PTPRD: variants seen among roughly 807,000 people sequenced by gnomAD.
PTPRD encodes the protein receptor-type tyrosine-protein phosphatase delta.
In PTPRD, 34 loss-of-function variants were observed where a neutral mutation model predicts 214.5. The ratio of observed to expected loss-of-function variants is 0.16; its 90% CI spans 0.12 to 0.21. The LOEUF (loss-of-function observed/expected upper bound fraction) is 0.21. Ranked by LOEUF, PTPRD falls within the 10% of genes least tolerant of loss-of-function variation. PTPRD has a pLI of 1.00. For missense variants in PTPRD, 2,545 were observed against 2,398.7 expected, an observed-to-expected ratio of 1.06 and a Z score of -1.27; for synonymous variants, 1,128 against 845.7, an observed-to-expected ratio of 1.33 and a Z score of -5.79.
At chr9:8,791,060 G>C (rs962640281) in intron 11 of PTPRD, among the ~76,000 whole-genome samples, 7 of 152,102 alleles carry the variant, frequency 4.6e-5, no homozygotes, top group African/African-American at 1.7e-4. Context: ...GATTACATCA[G>C]GATTTTTAAG....
At chr9:8,335,250 A>AAAATT (rs1845456898) in intron 43 of PTPRD, among the ~76,000 whole-genome samples, 1 of 150,324 alleles carries the variant, frequency 6.7e-6, no homozygotes. Flanking sequence ...AATCCTCAGT[A>AAAATT]CTGGCAAACC....
At chr9:8,763,085 GA>G (rs1447261277) in intron 11 of PTPRD, among the ~76,000 whole-genome samples, 1 of 152,156 alleles carries the variant, frequency 6.6e-6, no homozygotes, top group Non-Finnish European at 1.5e-5. Flanking sequence ...AGTAGCCACT[GA>G]AAAATCAAGC....
rs563391542 is a variant in PTPRD, at chr9:8,362,761, C to A, written c.4661+13175G>T. Among the ~76,000 whole-genome samples, 11 of 152,236 alleles carry A rather than the reference C, an allele frequency of 7.2e-5. 2 individuals are homozygous for A. Among genetic ancestry groups the A allele is most frequent in the Admixed American group, 4.6e-4 (7 of 15,290 alleles). On this transcript the variant is annotated intron_variant, in intron 39 of 45. Transcript: ENST00000381196. Reference sequence around the variant, plus strand: ...TGAGAAGATGCCATTGGCAAATGACCAGACTGTTCTCTACCTTTCTACAGA... The same window carrying A: ...TGAGAAGATGCCATTGGCAAATGACAAGACTGTTCTCTACCTTTCTACAGA...
At chr9:9,798,593 C>A (rs374262986) in intron 5 of PTPRD, among the ~76,000 whole-genome samples, 3 of 152,138 alleles carry the variant, frequency 2.0e-5, no homozygotes, top group African/African-American at 7.2e-5. Context: ...TCTGCTTCTG[C>A]TATTTTTCTC....
At chr9:10,541,840 A>ATATT in intron 2 of PTPRD, among the ~76,000 whole-genome samples, 1 of 152,124 alleles carries the variant, frequency 6.6e-6, no homozygotes, top group Non-Finnish European at 1.5e-5. Context: ...AATATATTTA[A>ATATT]TAACAAATGA....
chr9:10,009,746 C>T (rs972881948), intron 4 of PTPRD, among the ~76,000 whole-genome samples: 1 of 152,032 alleles, frequency 6.6e-6, no homozygotes, highest in East Asian at 1.9e-4. Flanking sequence ...TTTGCAGGGC[C>T]GTTTCAAAAT....
At chr9:8,436,522 C>T (rs2095356591) in intron 35 of PTPRD, 70 bp downstream of exon 35, 1 of 1,234,912 alleles carries the variant, frequency 8.1e-7, no homozygotes. Context: ...AGTTAATTTT[C>T]AAGAATATGG....
At chr9:9,835,505 G>A (rs142746113) in intron 5 of PTPRD, among the ~76,000 whole-genome samples, 47 of 152,212 alleles carry the variant, frequency 3.1e-4, no homozygotes, top group South Asian at 1.2e-3. Context: ...AGAGTATGCG[G>A]AAAGAAAGAA....
At chr9:9,204,679 G>A (rs540456948) in intron 9 of PTPRD, among the ~76,000 whole-genome samples, 1 of 152,098 alleles carries the variant, frequency 6.6e-6, no homozygotes, top group African/African-American at 2.4e-5. Context: ...TAAATTGATG[G>A]TCCTGTTAAA....
Position 9,770,238 on chromosome 9 carries a change from G to A in PTPRD, c.-367-3387C>T, listed in dbSNP as rs750813558. 7.2e-5 allele frequency among the ~76,000 whole-genome samples: 11 copies of A among 152,154 alleles called. No individual in the cohort carries two copies. In the South Asian group the frequency reaches 8.3e-4, roughly 11 times the overall value. ...ACACTCACACCAAAAGTGTAAAAGC[G>A]TTCCTATTTCTCCACATACTTTCCA... On this transcript the variant is annotated intron_variant, in intron 5 of 45. Coordinates refer to ENST00000381196, the MANE Select transcript of PTPRD (RefSeq NM_002839.4).
At chr9:9,266,413 T>C (rs1257235608) in intron 9 of PTPRD, among the ~76,000 whole-genome samples, 1 of 151,248 alleles carries the variant, frequency 6.6e-6, no homozygotes, top group African/African-American at 2.4e-5. Flanking sequence ...AACAAACATA[T>C]ACAGAACACT....
chr9:10,511,967 CGTGTGT>C (rs765411213), intron 2 of PTPRD, among the ~76,000 whole-genome samples: 12 of 110,314 alleles, frequency 1.1e-4, no homozygotes, highest in Admixed American at 2.8e-4. Flanking sequence ...TATATATATA[CGTGTGT>C]GTGTATATAT....
rs527966046 is a variant in PTPRD at position 9,228,824 on chromosome 9, ATAGT to A, written c.-202-45465_-202-45462del. 1.1e-4 allele frequency among the ~76,000 whole-genome samples: 16 copies of A among 152,126 alleles called. No individual in the cohort carries two copies. In the East Asian group the frequency reaches 2.9e-3, roughly 28 times the overall value. On this transcript the variant is annotated intron_variant, in intron 9 of 45. Transcript: ENST00000381196. ...GTCTTGCCTTCGTTTTTTGTTTCTT[ATAGT>A]TACTTACTCCTACATTACAAATTGA...
intron 10 of PTPRD, among the ~76,000 whole-genome samples, chr9:9,157,212 C>G (rs913195966): frequency 6.6e-6 from 1 of 151,862 alleles, no homozygotes; most frequent in Admixed American, 6.6e-5. Flanking sequence ...TAATGTTACA[C>G]CTTAAATAAC....
chr9:9,375,927 A>C (rs2060663136), intron 9 of PTPRD, among the ~76,000 whole-genome samples: 1 of 152,182 alleles, frequency 6.6e-6, no homozygotes, highest in Non-Finnish European at 1.5e-5. Context: ...AAAATCGGTA[A>C]AATGGTAACT....
At chr9:9,974,293 T>A (rs913953644) in intron 4 of PTPRD, among the ~76,000 whole-genome samples, 1 of 152,220 alleles carries the variant, frequency 6.6e-6, no homozygotes, top group Non-Finnish European at 1.5e-5. Context: ...ACATTTATTT[T>A]TCTATACAAG....
At chr9:8,364,456 T>G (rs1312228099) in intron 39 of PTPRD, among the ~76,000 whole-genome samples, 1 of 152,250 alleles carries the variant, frequency 6.6e-6, no homozygotes, top group African/African-American at 2.4e-5. Flanking sequence ...TGCAGCTGGC[T>G]GGAGCCTGAG....
intron 12 of PTPRD, among the ~76,000 whole-genome samples, chr9:8,645,884 A>G (rs1433642431): frequency 6.6e-6 from 1 of 151,878 alleles, no homozygotes; most frequent in Non-Finnish European, 1.5e-5. Flanking sequence ...TCACTCTCCC[A>G]TATACCCCAC....
chr9:8,448,555 T>C (rs2095823885), intron 34 of PTPRD, among the ~76,000 whole-genome samples: 1 of 152,218 alleles, frequency 6.6e-6, no homozygotes, highest in African/African-American at 2.4e-5. Flanking sequence ...TCAATCATCA[T>C]GTACACGTTC....
Sources: gnomAD v4.1 joint callset for allele counts (sites outside exome capture counted in the v4.1 genomes callset) on GRCh38, gnomAD v4.1.1 for gene constraint, MANE v1.5 for transcripts, NCBI Gene and HGNC (gene_info 2026-07-23, HGNC 2026-07-21) for gene names.